The following TENM3 variants were observed in gnomAD, a reference collection of about 807,000 sequenced individuals.
TENM3 encodes teneurin-3.
A neutral mutation model predicts 255.1 loss-of-function variants in TENM3; 63 were observed. The observed-to-expected ratio is 0.25, with a 90% CI of 0.20 to 0.30. The LOEUF (loss-of-function observed/expected upper bound fraction) is 0.30, where lower values mean the gene tolerates loss of function less well. TENM3 is among the 10% of genes least tolerant of loss of function. TENM3 has a pLI of 1.00. For synonymous variants in TENM3, 1,306 were observed against 1,322.3 expected (o/e 0.99, Z 0.27); for missense variants, 2,929 against 3,461.1 (o/e 0.85, Z 3.86).
the TENM3 span, among the ~76,000 whole-genome samples, chr4:182,081,350 C>T: frequency 6.6e-6 from 1 of 151,934 alleles, no homozygotes; most frequent in Admixed American, 6.6e-5. Context: ...CTTTGGAAGG[C>T]CGAGGCGGGT....
chr4:181,947,916 G>C, the TENM3 span, among the ~76,000 whole-genome samples: 6 of 152,056 alleles, frequency 3.9e-5, no homozygotes, highest in African/African-American at 1.2e-4. Flanking sequence ...GAAAAGTTTA[G>C]ATTCAAACAA....
the TENM3 span, chr4:181,820,249 G>A: frequency 1.3e-5 from 2 of 152,120 alleles, no homozygotes; most frequent in Admixed American, 6.6e-5. Context: ...AGTCTCCTCC[G>A]CTGTTCAAGT....
chr4:182,382,523 G>C (rs1044931191), intron 3 of TENM3, among the ~76,000 whole-genome samples: 4 of 152,038 alleles, frequency 2.6e-5, no homozygotes, highest in Non-Finnish European at 5.9e-5. Context: ...GAGAACCATG[G>C]GCTAAATAGC....
At chr4:182,546,923 T>G (rs766832487) in intron 3 of TENM3, among the ~76,000 whole-genome samples, 3 of 152,198 alleles carry the variant, frequency 2.0e-5, no homozygotes, top group Non-Finnish European at 4.4e-5. Context: ...ATGAAAAGTC[T>G]TTAATTGTAG....
chr4:181,497,051 T>C, the TENM3 span, among the ~76,000 whole-genome samples: 1 of 152,218 alleles, frequency 6.6e-6, no homozygotes, highest in African/African-American at 2.4e-5. Context: ...ATTTTTTCCA[T>C]GAATGATATT....
intron 24 of TENM3, among the ~76,000 whole-genome samples, chr4:182,788,167 GA>G (rs1395577035): frequency 6.6e-6 from 1 of 152,148 alleles, no homozygotes; most frequent in Non-Finnish European, 1.5e-5. Flanking sequence ...AACAGTTAAT[GA>G]GCATTTTGGA....
the TENM3 span, among the ~76,000 whole-genome samples, chr4:182,118,450 T>A: frequency 6.6e-6 from 1 of 152,050 alleles, no homozygotes; most frequent in Admixed American, 6.6e-5. Context: ...TTTTATTTTT[T>A]ATTTATTTTT....
the TENM3 span, among the ~76,000 whole-genome samples, chr4:182,083,356 G>A: frequency 4.7e-4 from 71 of 152,230 alleles, no homozygotes; most frequent in African/African-American, 1.6e-3. Context: ...CATTTCCCTG[G>A]TTAGCTGGTT....
the TENM3 span, chr4:182,085,269 T>A: frequency 2.0e-5 from 3 of 152,134 alleles, no homozygotes; most frequent in Non-Finnish European, 4.4e-5. Flanking sequence ...AATGCCTGCT[T>A]CTCAGCAGGA....
intron 3 of TENM3, among the ~76,000 whole-genome samples, chr4:182,422,143 C>T (rs974952762): frequency 1.3e-5 from 2 of 152,144 alleles, no homozygotes; most frequent in Non-Finnish European, 1.5e-5. Context: ...ATCTCTGAAG[C>T]CACGCAAATT....
the TENM3 span, among the ~76,000 whole-genome samples, chr4:182,029,371 G>C: frequency 2.0e-5 from 3 of 152,098 alleles, no homozygotes; most frequent in African/African-American, 7.2e-5. Context: ...ACTATATCAA[G>C]TCCAATGTTT....
At position 182,802,933 on chromosome 4, in the gene TENM3, T is replaced by A. The variant is rs1230649796; in HGVS notation, c.*2582T>A. On this transcript the variant is annotated 3_prime_UTR_variant, in exon 28 of 28. Transcript: ENST00000511685. ...TCTGATTTGTATTGTTCTTTTCATT[T>A]GCCTTCTTAACTTTATATGTGACCT... 2 of 152,700 alleles carry A rather than the reference T, an allele frequency of 1.3e-5. No individual in the cohort carries two copies. The highest frequency in any genetic ancestry group is 1.5e-5 in the Non-Finnish European group (1 of 68,052). 9.5% of individuals were successfully genotyped at this position (152,700 alleles called of 1,614,324 possible).
chr4:182,598,916 TA>T (rs1190153934), intron 3 of TENM3, among the ~76,000 whole-genome samples: 2 of 152,246 alleles, frequency 1.3e-5, no homozygotes, highest in Non-Finnish European at 2.9e-5. Context: ...TCACATAGTA[TA>T]ATATCTAACA....
intron 3 of TENM3, among the ~76,000 whole-genome samples, chr4:182,498,118 A>G (rs1248857953): frequency 6.6e-6 from 1 of 152,118 alleles, no homozygotes; most frequent in Non-Finnish European, 1.5e-5. Context: ...GAGAGTGGTT[A>G]TCTTCATTAG....
chr4:181,872,316 A>G, the TENM3 span, among the ~76,000 whole-genome samples: 1 of 147,042 alleles, frequency 6.8e-6, no homozygotes, highest in Non-Finnish European at 1.5e-5. Flanking sequence ...GCAGGGTTTT[A>G]CTTTTTTTAA....
At chr4:182,153,725 C>T (rs1291316143) in intron 1 of TENM3, among the ~76,000 whole-genome samples, 1 of 152,114 alleles carries the variant, frequency 6.6e-6, no homozygotes, top group Non-Finnish European at 1.5e-5. Context: ...CTTTTAGACA[C>T]TGTATTGTAC....
intron 1 of TENM3, among the ~76,000 whole-genome samples, chr4:182,192,339 C>T (rs1753577373): frequency 6.6e-6 from 1 of 152,188 alleles, no homozygotes; most frequent in Non-Finnish European, 1.5e-5. Context: ...AGATTGTAAA[C>T]TCTTTGAAGA....
At chr4:181,795,066 T>C in the TENM3 span, among the ~76,000 whole-genome samples, 2 of 152,214 alleles carry the variant, frequency 1.3e-5, no homozygotes, top group Non-Finnish European at 2.9e-5. Context: ...GATAGTTTAT[T>C]TAGGCAGAGT....
intron 1 of TENM3, among the ~76,000 whole-genome samples, chr4:182,290,792 C>A (rs7698419): frequency 1.3e-5 from 2 of 148,208 alleles, no homozygotes; most frequent in South Asian, 2.2e-4. Flanking sequence ...GGTGAGCCAC[C>A]GTGCCCGGCC....
Sources: gnomAD v4.1 joint callset for allele counts (sites outside exome capture counted in the v4.1 genomes callset) on GRCh38, gnomAD v4.1.1 for gene constraint, MANE v1.5 for transcripts, NCBI Gene and HGNC (gene_info 2026-07-23, HGNC 2026-07-21) for gene names.